TARBP1: variants seen among roughly 807,000 people sequenced by gnomAD.
TARBP1 encodes tRNA guanosine 2 -O-methyltransferase TARBP1.
TARBP1 carries 144 observed loss-of-function variants against 178.6 expected under a neutral mutation model. The observed-to-expected ratio is 0.81, with a 90% CI of 0.70 to 0.93. The LOEUF (loss-of-function observed/expected upper bound fraction) is 0.93, where lower values mean the gene tolerates loss of function less well. Among genes scored for constraint, TARBP1 ranks in the 40% least tolerant of loss-of-function variants. The pLI is 0.00. For missense variants in TARBP1, 2,067 were observed against 2,011.7 expected, an observed-to-expected ratio of 1.03 and a Z score of -0.53; for synonymous variants, 787 against 781.0, an observed-to-expected ratio of 1.01 and a Z score of -0.13.
chr1:234,460,482 G>T, intron 6 of TARBP1, 86 bp from the exon 7 acceptor site: 1 of 1,412,308 alleles, frequency 7.1e-7, no homozygotes, highest in Non-Finnish European at 9.7e-7. Context: ...GGAAATACAA[G>T]TCAAAACCAT....
Position 234,446,856 on chromosome 1 carries a change from A to C in TARBP1, c.2081T>G (p.Leu694Arg), listed in dbSNP as rs1182591844. The C allele has an allele frequency of 1.2e-6, 2 of 1,614,084 alleles. No homozygotes were observed. The highest frequency in any genetic ancestry group is 1.7e-6 in the Non-Finnish European group (2 of 1,179,984). ...GCATGTGTTCAACAGCTTCAACAGCAGCTGGAGGCATCTGTCAGTCTTCAG... is the reference window on the plus strand; with the variant it reads ...GCATGTGTTCAACAGCTTCAACAGCCGCTGGAGGCATCTGTCAGTCTTCAG... ...PLLKTDRCLQ[L>R]LLKLLNTCRL... is the part of the protein sequence containing the mutation. The change falls in exon 12 of 30, where the codon CTG (leucine) becomes CGG (arginine). Residue 694 changes from leucine to arginine, a missense_variant. By Grantham distance (102) the Leu-to-Arg change is moderately radical. Coordinates refer to ENST00000040877, the MANE Select transcript of TARBP1 (RefSeq NM_005646.4).
At chr1:234,425,871 C>A in intron 19 of TARBP1, 78 bp from the exon 20 acceptor site, 1 of 1,178,784 alleles carries the variant, frequency 8.5e-7, no homozygotes, top group South Asian at 1.6e-5. Flanking sequence ...TTTCAAATAT[C>A]ATTACACGAT....
chr1:234,410,243 C>T (rs1216161565), intron 23 of TARBP1, among the ~76,000 whole-genome samples: 2 of 152,172 alleles, frequency 1.3e-5, no homozygotes, highest in Non-Finnish European at 2.9e-5. Context: ...TACTCAAGCA[C>T]ACCTCAGTGT....
chr1:234,438,010 G>T (rs1370469252), intron 12 of TARBP1, among the ~76,000 whole-genome samples: 1 of 152,208 alleles, frequency 6.6e-6, no homozygotes, highest in East Asian at 1.9e-4. Flanking sequence ...CCACTGGCCA[G>T]TTCCCAGAGT....
chr1:234,418,143 T>G lies in TARBP1; in HGVS notation c.3646A>C (p.Ile1216Leu). 6.6e-7 allele frequency: 1 copy of G among 1,521,988 alleles called. No homozygotes were observed. The highest frequency in any genetic ancestry group is 1.3e-5 in the South Asian group (1 of 75,956). The allele number at this position is 1,521,988 out of a possible 1,614,324, so 94.3% of individuals were successfully genotyped here. ...SIKYFIEWIIILILHKFPQFL... is the reference protein window; with the variant it reads ...SIKYFIEWIILLILHKFPQFL... ...TGAGGGAATTTATGAAGAATCAATA[T>G]AATAATCCATTCTATAAAATATTTT... The change falls in exon 22 of 30, where the codon ATA becomes CTA. Residue 1216 changes from isoleucine to leucine, a missense_variant. Ile to Leu is a conservative substitution (Grantham distance 5, BLOSUM62 2). Transcript: ENST00000040877.
Position 234,392,546 on chromosome 1 carries a change from G to T in TARBP1, c.4567C>A (p.Pro1523Thr), listed in dbSNP as rs1385699213. ...EQWLPLVEVK[P>T]PQLIDYLQQK... ...TGCAGATAATCAATTAGCTGAGGTG[G>T]TTTTACCTGAATATTAGTTTAAAAA... The change falls in exon 29 of 30, where the codon CCA (proline) becomes ACA (threonine). Residue 1523 changes from proline to threonine, a missense_variant. Coordinates refer to ENST00000040877, the MANE Select transcript of TARBP1 (RefSeq NM_005646.4). 6.2e-7 allele frequency: 1 copy of T among 1,613,648 alleles called. No homozygotes were observed. The highest frequency in any genetic ancestry group is 1.1e-5 in the South Asian group (1 of 90,988).
At position 234,429,648 on chromosome 1, in the gene TARBP1, C is replaced by T. The variant is rs778433335; in HGVS notation, c.2639G>A (p.Gly880Glu). Reference protein sequence around the residue: ...SVLEESSSSQGWGKIVAQYIH... With the variant: ...SVLEESSSSQEWGKIVAQYIH... Reference sequence around the variant, plus strand: ...ATATTGTGCAACTATTTTTCCCCATCCTTGGGAAGATGACGATTCTTCCAA... The same window carrying T: ...ATATTGTGCAACTATTTTTCCCCATTCTTGGGAAGATGACGATTCTTCCAA... Residue 880 changes from glycine to glutamate, a missense_variant, in exon 16 of 30, where the codon GGA becomes GAA. Coordinates refer to ENST00000040877, the MANE Select transcript of TARBP1 (RefSeq NM_005646.4). The T allele has an allele frequency of 3.1e-6, 5 of 1,605,624 alleles. No individual in the cohort carries two copies. The East Asian group carries it at 1.1e-4, about 36-fold the overall frequency.
In TARBP1 at chr1:234,479,113, GCCCGCGCCACCGGCCCGGGC is replaced by G; in HGVS notation, c.-30_-11del. ...CGAGCACCCACTCCATTTGCCGAGC[GCCCGCGCCACCGGCCCGGGC>G]TCCCAAAGGAAGGCGCCGGCGTGTG... is the stretch of plus-strand genomic sequence containing the variant. On this transcript the variant is annotated 5_prime_UTR_variant, in exon 1 of 30. Transcript: ENST00000040877. 1 of 1,525,016 alleles carries G rather than the reference GCCCGCGCCACCGGCCCGGGC, an allele frequency of 6.6e-7. No homozygotes were observed. The highest frequency in any genetic ancestry group is 8.7e-7 in the Non-Finnish European group (1 of 1,149,982). The allele number at this position is 1,525,016 out of a possible 1,614,324, so 94.5% of individuals were successfully genotyped here. A position where few individuals can be genotyped will look rare whatever the true frequency, so the allele number is the denominator to read the frequency against.
chr1:234,467,562 A>G lies in TARBP1; in HGVS notation c.1188T>C (p.Val396=). 6.2e-7 allele frequency: 1 copy of G among 1,607,548 alleles called. No individual in the cohort carries two copies. Among genetic ancestry groups the G allele is most frequent in the Non-Finnish European group, 8.5e-7 (1 of 1,178,276 alleles). The change falls in exon 4 of 30, where the codon GTT becomes GTC. Residue 396 remains valine (V), a synonymous_variant. Coordinates refer to ENST00000040877, the MANE Select transcript of TARBP1 (RefSeq NM_005646.4). ...TTTCATACAGCTCCAAAAAATGGAT[A>G]ACACCTTCTTTGGACAGGATTTTGT... ...SENKILSKEG[V]IHFLELYETK...
chr1:234,447,476 G>A (rs1426103637), intron 11 of TARBP1, among the ~76,000 whole-genome samples: 1 of 147,300 alleles, frequency 6.8e-6, no homozygotes, highest in African/African-American at 2.5e-5. Flanking sequence ...CTCACTGTGG[G>A]CTCAACCTCC....
At chr1:234,448,694 A>G (rs1191120243) in intron 10 of TARBP1, 115 bp from the exon 11 acceptor site, 1 of 762,046 alleles carries the variant, frequency 1.3e-6, no homozygotes, top group Non-Finnish European at 2.2e-6. Context: ...TGAGAGAAAT[A>G]CAACCGAGAT....
rs573922011 is a variant in TARBP1 at position 234,478,247 on chromosome 1, T to G, written c.857A>C (p.Tyr286Ser). The change falls in exon 1 of 30, where the codon TAC (tyrosine) becomes TCC (serine). Residue 286 changes from tyrosine to serine, a missense_variant. Physicochemically the swap from Tyr to Ser is moderately radical, Grantham distance 144. Transcript: ENST00000040877. ...ADALTRKRAR[Y>S]LLQRAVEVSA... ...CACCTCCACCGCCCTCTGCAGCAGG[T>G]AGCGCGCTCGCTTGCGCGTCAGGGC... The G allele has an allele frequency of 8.7e-6, 14 of 1,609,488 alleles. No homozygotes were observed. The highest frequency in any genetic ancestry group is 1.3e-5 in the African/African-American group (1 of 74,798).
Position 234,467,489 on chromosome 1 carries a change from A to G in TARBP1, c.1248+13T>C. 1 of 1,570,262 alleles carries G rather than the reference A, an allele frequency of 6.4e-7. No individual in the cohort carries two copies. The highest frequency in any genetic ancestry group is 8.6e-7 in the Non-Finnish European group (1 of 1,162,324). On this transcript the variant is annotated intron_variant, in intron 4 of 29. Transcript: ENST00000040877. ...CAACAATGGGAGCAAGGAAGGGGAC[A>G]GGGTGTCATTACCTCAGAAAATTCT...
chr1:234,445,101 G>A (rs1177935361), intron 12 of TARBP1, among the ~76,000 whole-genome samples: 1 of 152,120 alleles, frequency 6.6e-6, no homozygotes, highest in Non-Finnish European at 1.5e-5. Flanking sequence ...TGATTTCCAT[G>A]TTGCTAAATT....
In TARBP1 at chr1:234,437,408, A is replaced by G. The variant is rs1342705718; in HGVS notation, c.2135-36T>C. 2.6e-6 allele frequency: 3 copies of G among 1,142,442 alleles called. No homozygotes were observed. The Admixed American group carries it at 6.6e-5, about 25-fold the overall frequency. The allele number at this position is 1,142,442 out of a possible 1,614,324, so 70.8% of individuals were successfully genotyped here. ...GCAAAAAGCATGCAACTAAAATGACAGCAGTTCTTTGGTACAAAACACACC... is the reference window on the plus strand; with the variant it reads ...GCAAAAAGCATGCAACTAAAATGACGGCAGTTCTTTGGTACAAAACACACC... On this transcript the variant is annotated intron_variant, in intron 12 of 29. Coordinates refer to ENST00000040877, the MANE Select transcript of TARBP1 (RefSeq NM_005646.4).
intron 12 of TARBP1, among the ~76,000 whole-genome samples, chr1:234,443,611 C>T (rs548565816): frequency 2.0e-5 from 3 of 152,236 alleles, no homozygotes; most frequent in East Asian, 3.9e-4. Context: ...GCAGAAATTC[C>T]ACTTCCAAGA....
chr1:234,395,234 GA>G (rs1003033350), intron 26 of TARBP1, among the ~76,000 whole-genome samples: 2,166 of 146,800 alleles, frequency 0.015, 35 homozygotes, highest in African/African-American at 0.044. Flanking sequence ...CCGTCTCAAA[GA>G]AAAAAAAAAA....
intron 14 of TARBP1, 117 bp downstream of exon 14, chr1:234,433,293 A>T: frequency 8.8e-7 from 1 of 1,137,002 alleles, no homozygotes; most frequent in Non-Finnish European, 1.3e-6. Flanking sequence ...GGTATATTTT[A>T]AAACTGAATT....
chr1:234,451,965 C>T (rs2103228721), intron 9 of TARBP1, among the ~76,000 whole-genome samples: 1 of 152,266 alleles, frequency 6.6e-6, no homozygotes, highest in Non-Finnish European at 1.5e-5. Flanking sequence ...TTGCATTCCT[C>T]TAAAACTGGC....
Sources: gnomAD v4.1 joint callset for allele counts (sites outside exome capture counted in the v4.1 genomes callset) on GRCh38, gnomAD v4.1.1 for gene constraint, MANE v1.5 for transcripts, NCBI Gene and HGNC (gene_info 2026-07-23, HGNC 2026-07-21) for gene names.